Variants in DNAH11 observed in about 807,000 individuals in gnomAD.
DNAH11 encodes dynein axonemal heavy chain 11, also known as axonemal beta dynein heavy chain 11.
In DNAH11, 442 loss-of-function variants were observed where a neutral mutation model predicts 526.0. That is an observed-to-expected ratio of 0.84 (90% CI 0.78 to 0.91). The LOEUF is 0.91. Among genes scored for constraint, DNAH11 ranks in the 40% least tolerant of loss-of-function variants. DNAH11 has a pLI of 0.00. For missense variants in DNAH11, 6,989 were observed against 5,448.7 expected, an observed-to-expected ratio of 1.28 and a Z score of -8.90; for synonymous variants, 2,461 against 1,935.9, an observed-to-expected ratio of 1.27 and a Z score of -7.12.
chr7:21,580,476 A>G (rs1270567036), intron 8 of DNAH11, among the ~76,000 whole-genome samples: 1 of 152,226 alleles, frequency 6.6e-6, no homozygotes, highest in Non-Finnish European at 1.5e-5. Context: ...GAAATTCAGC[A>G]TAAGGTGCCC....
intron 27 of DNAH11, 143 bp downstream of exon 27, chr7:21,637,845 G>T: frequency 2.0e-6 from 1 of 492,204 alleles, no homozygotes. Flanking sequence ...TTATCTAGTT[G>T]TCTCGTACAT....
rs1784542957 is a variant in DNAH11, at chr7:21,588,262, A to C, written c.1848+61A>C. The C allele has an allele frequency of 2.6e-6, 4 of 1,538,736 alleles. No individual in the cohort carries two copies. The African/African-American group carries it at 4.1e-5, about 16-fold the overall frequency. ...TCATTTAGGCGGATAATGACCATCA[A>C]CTAGAACTCTATGTGATTATATCTA... On this transcript the variant is annotated intron_variant, in intron 10 of 81. Transcript: ENST00000409508.
At chr7:21,745,366 C>A (rs925713086) in intron 51 of DNAH11, among the ~76,000 whole-genome samples, 4 of 152,200 alleles carry the variant, frequency 2.6e-5, no homozygotes, top group African/African-American at 9.6e-5. Flanking sequence ...GACTAATTTT[C>A]ATTGATTAAG....
chr7:21,544,902 A>G (rs1260105132), intron 1 of DNAH11, 104 bp from the exon 2 acceptor site: 4 of 944,618 alleles, frequency 4.2e-6, no homozygotes, highest in Admixed American at 3.1e-5. Context: ...GCAAGATGCC[A>G]GGTTTTGTTT....
chr7:21,892,279 G>C (rs1298854036), intron 76 of DNAH11, 146 bp from the exon 77 acceptor site: 13 of 1,163,048 alleles, frequency 1.1e-5, no homozygotes, highest in Non-Finnish European at 1.6e-5. Context: ...GAGCAAAATT[G>C]TTGATTATAA....
chr7:21,759,420 A>C (rs1004327049), intron 54 of DNAH11, among the ~76,000 whole-genome samples: 1 of 152,184 alleles, frequency 6.6e-6, no homozygotes, highest in Non-Finnish European at 1.5e-5. Context: ...TTTAAAAACA[A>C]ATTGAAATTG....
At chr7:21,814,932 T>C (rs1305288602) in intron 63 of DNAH11, among the ~76,000 whole-genome samples, 1 of 152,188 alleles carries the variant, frequency 6.6e-6, no homozygotes, top group Admixed American at 6.5e-5. Flanking sequence ...CACAATACTA[T>C]CGAAACATCC....
At chr7:21,808,271 C>G (rs1789360003) in intron 63 of DNAH11, among the ~76,000 whole-genome samples, 1 of 151,836 alleles carries the variant, frequency 6.6e-6, no homozygotes, top group African/African-American at 2.4e-5. Flanking sequence ...ATCTATAATA[C>G]TCATATATAT....
intron 20 of DNAH11, among the ~76,000 whole-genome samples, chr7:21,612,575 A>AAGAG (rs1212729069): frequency 7.3e-5 from 11 of 150,194 alleles, no homozygotes; most frequent in Admixed American, 2.0e-4. Flanking sequence ...AAAAAAAAAA[A>AAGAG]AGAGACTAAG....
At position 21,894,764 on chromosome 7, in the gene DNAH11, GA is replaced by G; in HGVS notation, c.12895del (p.Ile4299TyrfsTer12). 1 of 1,612,436 alleles carries G rather than the reference GA, an allele frequency of 6.2e-7. No individual in the cohort carries two copies. Among genetic ancestry groups the G allele is most frequent in the Non-Finnish European group, 8.5e-7 (1 of 1,179,336 alleles). ...ECERMNILIR[E>X]IRISLEQLDL... The stretch of plus-strand genomic sequence containing the variant: ...TGAGAGGATGAATATTCTCATTCGG[GA>G]AATACGTATATCACTTGAACAACTG... On this transcript the variant is annotated frameshift_variant, in exon 78 of 82. Coordinates refer to ENST00000409508, the MANE Select transcript of DNAH11 (RefSeq NM_001277115.2). LOFTEE classifies it high-confidence loss of function.
At chr7:21,882,555 G>T (rs1395337120) in intron 75 of DNAH11, among the ~76,000 whole-genome samples, 1 of 152,182 alleles carries the variant, frequency 6.6e-6, no homozygotes, top group Non-Finnish European at 1.5e-5. Context: ...CAGCACTTTG[G>T]GAGGCCAAGT....
chr7:21,619,275 A>G lies in DNAH11; in HGVS notation c.4377+53A>G, dbSNP rs558571557. On this transcript the variant is annotated intron_variant, in intron 24 of 81. Coordinates refer to ENST00000409508, the MANE Select transcript of DNAH11 (RefSeq NM_001277115.2). Reference sequence around the variant, plus strand: ...TACTTGGCTAATTTTGGGTATTTGCATAGAAGCCAACTTAGAGAAAAGTCC... The same window carrying G: ...TACTTGGCTAATTTTGGGTATTTGCGTAGAAGCCAACTTAGAGAAAAGTCC... 10 of 1,576,954 alleles carry G rather than the reference A, an allele frequency of 6.3e-6. No individual in the cohort carries two copies. In the African/African-American group the frequency reaches 8.1e-5, roughly 13 times the overall value.
At chr7:21,657,735 T>A (rs1209102616) in intron 29 of DNAH11, among the ~76,000 whole-genome samples, 1 of 152,178 alleles carries the variant, frequency 6.6e-6, no homozygotes, top group Non-Finnish European at 1.5e-5. Flanking sequence ...TCGGTTAATC[T>A]GAACTCATGC....
At chr7:21,890,946 C>T (rs1041238474) in intron 76 of DNAH11, among the ~76,000 whole-genome samples, 16 of 152,058 alleles carry the variant, frequency 1.1e-4, no homozygotes, top group African/African-American at 3.1e-4. Flanking sequence ...AATGCTGTGT[C>T]GAATGTTTTA....
chr7:21,828,432 C>G (rs1583745415), intron 65 of DNAH11, among the ~76,000 whole-genome samples: 1 of 152,178 alleles, frequency 6.6e-6, no homozygotes, highest in Non-Finnish European at 1.5e-5. Context: ...AACAGCTTTT[C>G]TATTCCTAAA....
intron 60 of DNAH11, 72 bp downstream of exon 60, chr7:21,787,655 G>C: frequency 7.6e-7 from 1 of 1,321,456 alleles, no homozygotes; most frequent in Non-Finnish European, 1.0e-6. Context: ...TTCTAGGTCA[G>C]CGAGAAGAGT....
rs200978576 is a variant in DNAH11 at position 21,765,460 on chromosome 7, G to A, written c.8973G>A (p.Thr2991=). ...TGTGTTTCTCTCCAGTTGGTCGCAC[G>A]CTGAGAGTTAGAGCTCGGAAGTTCC... The part of the protein sequence containing the change: ...IILCFSPVGR[T]LRVRARKFPA... Residue 2991 remains threonine, a synonymous_variant, in exon 55 of 82, where the codon ACG becomes ACA. Transcript: ENST00000409508. 427 of 1,613,694 alleles carry A rather than the reference G, an allele frequency of 2.6e-4. No individual in the cohort carries two copies. Among genetic ancestry groups the A allele is most frequent in the Non-Finnish European group, 9.1e-5 (107 of 1,179,806 alleles).
At chr7:21,884,527 C>T in intron 76 of DNAH11, 117 bp downstream of exon 76, 5 of 1,146,020 alleles carry the variant, frequency 4.4e-6, no homozygotes, top group Non-Finnish European at 5.9e-6. Context: ...GATGCTTGGC[C>T]TTTTGGGAAA....
chr7:21,677,626 C>T (rs1341768251), intron 30 of DNAH11, among the ~76,000 whole-genome samples: 2 of 152,214 alleles, frequency 1.3e-5, no homozygotes, highest in Non-Finnish European at 2.9e-5. Context: ...CTCAAGTGAT[C>T]CACCTGCCTG....
Sources: gnomAD v4.1 joint callset for allele counts (sites outside exome capture counted in the v4.1 genomes callset) on GRCh38, gnomAD v4.1.1 for gene constraint, MANE v1.5 for transcripts, NCBI Gene and HGNC (gene_info 2026-07-23, HGNC 2026-07-21) for gene names.